The following LAMC3 variants were observed in gnomAD, a reference collection of about 807,000 sequenced individuals.
LAMC3 encodes the protein laminin subunit gamma 3.
In LAMC3, 128 loss-of-function variants were observed where a neutral mutation model predicts 173.8. That is an observed-to-expected ratio of 0.74 (90% CI 0.64 to 0.85). The LOEUF is 0.85. LAMC3 is among the 40% of genes least tolerant of loss of function. The pLI is 0.00. For synonymous variants in LAMC3, 897 were observed against 909.1 expected (o/e 0.99, Z 0.24); for missense variants, 2,022 against 2,156.0 (o/e 0.94, Z 1.23).
At chr9:131,063,969 A>G (rs923882375) in intron 13 of LAMC3, among the ~76,000 whole-genome samples, 10 of 152,000 alleles carry the variant, frequency 6.6e-5, no homozygotes, top group Admixed American at 5.2e-4. Flanking sequence ...GTGCGGTGGC[A>G]TGATCTCAGC....
chr9:131,075,113 TA>T, intron 20 of LAMC3, among the ~76,000 whole-genome samples: 1 of 151,156 alleles, frequency 6.6e-6, no homozygotes, highest in East Asian at 2.0e-4. Context: ...AAAATAATTT[TA>T]AAAATTAGCC....
intron 7 of LAMC3, among the ~76,000 whole-genome samples, chr9:131,043,040 C>T (rs967972759): frequency 5.9e-5 from 9 of 152,188 alleles, no homozygotes; most frequent in Admixed American, 5.9e-4. Flanking sequence ...ACTAATGGGG[C>T]ACAGCAGTCT....
rs534373431 is a variant in LAMC3 at position 131,023,778 on chromosome 9, A to G, written c.374-2507A>G. On this transcript the variant is annotated intron_variant, in intron 1 of 27. Coordinates refer to ENST00000361069, the MANE Select transcript of LAMC3 (RefSeq NM_006059.4). ...CCACCATGCTCAGCTCATTTTTTAT[A>G]TTTTTTGTAGAGATGAGGTTTCGTC... 4.6e-5 allele frequency among the ~76,000 whole-genome samples: 7 copies of G among 151,844 alleles called. No homozygotes were observed. The East Asian group carries it at 1.4e-3, about 30-fold the overall frequency.
chr9:131,011,412 CTT>C (rs981977189), intron 1 of LAMC3, among the ~76,000 whole-genome samples: 1 of 152,214 alleles, frequency 6.6e-6, no homozygotes, highest in African/African-American at 2.4e-5. Flanking sequence ...AGCATAAACT[CTT>C]TGATGTGAGT....
At position 131,036,263 on chromosome 9, in the gene LAMC3, C is replaced by T. The variant is rs376297941; in HGVS notation, c.907C>T (p.Arg303Cys). Residue 303 changes from arginine to cysteine, a missense_variant, in exon 4 of 28, where the codon CGC becomes TGC. Arg to Cys is a radical substitution (Grantham distance 180, BLOSUM62 -3). Coordinates refer to ENST00000361069, the MANE Select transcript of LAMC3 (RefSeq NM_006059.4). ...QHNTTGTDCE[R>C]CLPFFQDRPW... ...CAACACCACCGGCACAGACTGTGAG[C>T]GCTGCCTGCCCTTCTTCCAGGACCG... 76 of 1,613,164 alleles carry T rather than the reference C, an allele frequency of 4.7e-5. No individual in the cohort carries two copies. The highest frequency in any genetic ancestry group is 7.7e-5 in the South Asian group (7 of 91,066).
chr9:131,082,100 A>T lies in LAMC3; in HGVS notation c.3969A>T (p.Ser1323=). 6.2e-7 allele frequency: 1 copy of T among 1,613,940 alleles called. No homozygotes were observed. The highest frequency in any genetic ancestry group is 8.5e-7 in the Non-Finnish European group (1 of 1,179,968). ...EARAALTQAS[S]SVQAATVTVM... is the part of the protein sequence containing the mutation. ...GAGCCGCCCTGACCCAGGCTTCCTC[A>T]TCTGTCCAGGCTGCGACAGTGACTG... The change falls in exon 24 of 28, where the codon TCA becomes TCT. Residue 1323 remains serine (S), a synonymous_variant. Coordinates refer to ENST00000361069, the MANE Select transcript of LAMC3 (RefSeq NM_006059.4).
rs746498538 is a variant in LAMC3, at chr9:131,068,176, T to A, written c.2692T>A (p.Cys898Ser). The change falls in exon 15 of 28, where the codon TGC becomes AGC. Residue 898 changes from cysteine (C) to serine (S), a missense_variant. Transcript: ENST00000361069. ...CCTGCCTCATGTGACTGCACGGGAC[T>A]GCAGCCGCTGCTACCCTGGCTTCTT... Reference protein sequence around the residue: ...SCLPHVTARDCSRCYPGFFDL... With the variant: ...SCLPHVTARDSSRCYPGFFDL... 42 of 1,613,092 alleles carry A rather than the reference T, an allele frequency of 2.6e-5. No individual in the cohort carries two copies. The highest frequency in any genetic ancestry group is 3.3e-5 in the Non-Finnish European group (39 of 1,179,906).
intron 18 of LAMC3, 120 bp from the exon 19 acceptor site, chr9:131,072,510 T>C: frequency 1.2e-6 from 1 of 818,648 alleles, no homozygotes; most frequent in East Asian, 2.7e-5. Context: ...GACTACCTGT[T>C]GGTGCTCAGG....
chr9:131,060,975 G>T (rs1463263447), intron 12 of LAMC3, 60 bp from the exon 13 acceptor site: 4 of 1,567,494 alleles, frequency 2.6e-6, no homozygotes, highest in Non-Finnish European at 2.6e-6. Flanking sequence ...TCTCCCACCG[G>T]GATGCCCACC....
chr9:131,072,493 C>T (rs1830051816), intron 18 of LAMC3, 137 bp from the exon 19 acceptor site: 2 of 748,628 alleles, frequency 2.7e-6, no homozygotes, highest in Admixed American at 2.1e-5. Flanking sequence ...GGGTACTCTG[C>T]CTTTGGGACT....
Position 131,024,765 on chromosome 9 carries a change from G to A in LAMC3, c.374-1520G>A, listed in dbSNP as rs150462518. Among the ~76,000 whole-genome samples, 434 of 152,264 alleles carry A rather than the reference G, an allele frequency of 2.9e-3. 5 individuals carry two copies. The highest frequency in any genetic ancestry group is 1.0e-2 in the African/African-American group (414 of 41,564). The stretch of plus-strand genomic sequence containing the variant: ...GGTGTCAGGCACCTTGCTAGGCACT[G>A]GGATGGCAGAGATTACCAAAGAGAC... On this transcript the variant is annotated intron_variant, in intron 1 of 27. Transcript: ENST00000361069.
chr9:131,014,246 C>T (rs893027846), intron 1 of LAMC3, among the ~76,000 whole-genome samples: 1 of 152,258 alleles, frequency 6.6e-6, no homozygotes. Flanking sequence ...CTTGGCTGGG[C>T]CGAGGCACTC....
intron 13 of LAMC3, among the ~76,000 whole-genome samples, chr9:131,061,440 C>T (rs1829821733): frequency 6.6e-6 from 1 of 152,202 alleles, no homozygotes; most frequent in African/African-American, 2.4e-5. Flanking sequence ...AGAATTTGGG[C>T]CATTGAGAAT....
intron 1 of LAMC3, among the ~76,000 whole-genome samples, chr9:131,025,950 G>A (rs1004194937): frequency 6.6e-6 from 1 of 152,172 alleles, no homozygotes; most frequent in African/African-American, 2.4e-5. Flanking sequence ...GGTAGAGCAG[G>A]CTTTCTTAGA....
chr9:131,065,039 T>TA (rs754104539), intron 13 of LAMC3, among the ~76,000 whole-genome samples: 326 of 27,430 alleles, frequency 0.012, 4 homozygotes, highest in African/African-American at 0.02. Context: ...AGACTCCATC[T>TA]AAAAAAAAAA....
At chr9:131,019,300 C>T (rs1833585946) in intron 1 of LAMC3, among the ~76,000 whole-genome samples, 1 of 152,182 alleles carries the variant, frequency 6.6e-6, no homozygotes, top group African/African-American at 2.4e-5. Context: ...AGACCTGCCT[C>T]TCTCTCCCTA....
chr9:131,036,952 G>A (rs1285415067), intron 4 of LAMC3, among the ~76,000 whole-genome samples: 1 of 152,258 alleles, frequency 6.6e-6, no homozygotes, highest in Non-Finnish European at 1.5e-5. Context: ...CCAGATCCCA[G>A]CTGGTGCTGG....
chr9:131,031,855 C>A (rs187177630), intron 2 of LAMC3, among the ~76,000 whole-genome samples, 190 bp from the exon 3 acceptor site: 7 of 152,328 alleles, frequency 4.6e-5, no homozygotes, highest in African/African-American at 1.7e-4. Context: ...TAGCCTAGCA[C>A]CCAGGTTGGG....
chr9:131,038,103 C>T (rs537478105), intron 4 of LAMC3, among the ~76,000 whole-genome samples: 11 of 152,354 alleles, frequency 7.2e-5, no homozygotes, highest in South Asian at 2.1e-4. Context: ...ACGCCCTTCC[C>T]GCCCCCTCTT....
Sources: gnomAD v4.1 joint callset for allele counts (sites outside exome capture counted in the v4.1 genomes callset) on GRCh38, gnomAD v4.1.1 for gene constraint, MANE v1.5 for transcripts, NCBI Gene and HGNC (gene_info 2026-07-23, HGNC 2026-07-21) for gene names.